Variants in MATCAP2 observed in about 807,000 individuals in gnomAD.
MATCAP2 encodes the protein putative tyrosine carboxypeptidase MATCAP2.
chr7:36,331,515 C>T, the MATCAP2 span, among the ~76,000 whole-genome samples: 19 of 152,230 alleles, frequency 1.2e-4, no homozygotes, highest in African/African-American at 4.1e-4. Context: ...AGTGGAGAGA[C>T]GCAGGGTTTT....
At chr7:36,372,005 A>G in the MATCAP2 span, among the ~76,000 whole-genome samples, 1 of 152,010 alleles carries the variant, frequency 6.6e-6, no homozygotes, top group African/African-American at 2.4e-5. Flanking sequence ...GTCAGCCACC[A>G]TGCCCAGTCT....
chr7:36,345,728 T>C, the MATCAP2 span, among the ~76,000 whole-genome samples: 1 of 152,106 alleles, frequency 6.6e-6, no homozygotes, highest in Admixed American at 6.5e-5. Context: ...GACCTTAACC[T>C]CTTAAGAGCT....
the MATCAP2 span, among the ~76,000 whole-genome samples, chr7:36,376,266 A>G: frequency 6.6e-6 from 1 of 152,134 alleles, no homozygotes; most frequent in Admixed American, 6.5e-5. Flanking sequence ...CTTTAAATGT[A>G]TCCCAGAGAT....
the MATCAP2 span, among the ~76,000 whole-genome samples, chr7:36,344,958 C>T: frequency 6.6e-6 from 1 of 152,178 alleles, no homozygotes; most frequent in Non-Finnish European, 1.5e-5. Context: ...ATTCCTAGAA[C>T]CAGAACATCT....
At chr7:36,350,858 T>A in the MATCAP2 span, among the ~76,000 whole-genome samples, 1 of 152,214 alleles carries the variant, frequency 6.6e-6, no homozygotes, top group Admixed American at 6.5e-5. Context: ...AATTCAGGTT[T>A]CTACCTTCCC....
chr7:36,338,586 C>A, the MATCAP2 span, among the ~76,000 whole-genome samples: 2 of 151,988 alleles, frequency 1.3e-5, no homozygotes, highest in Non-Finnish European at 2.9e-5. Context: ...AGTCACCATG[C>A]CCAGTCTCTA....
chr7:36,381,762 C>T, the MATCAP2 span, among the ~76,000 whole-genome samples: 1 of 151,744 alleles, frequency 6.6e-6, no homozygotes, highest in Non-Finnish European at 1.5e-5. Flanking sequence ...AAGTGCCAGG[C>T]ATGAATGGGA....
chr7:36,357,702 T>A, the MATCAP2 span: 1 of 780,422 alleles, frequency 1.3e-6, no homozygotes, highest in Non-Finnish European at 2.0e-6. Flanking sequence ...AATTTTGCAG[T>A]AATCATTAGA....
chr7:36,330,237 A>G, the MATCAP2 span, among the ~76,000 whole-genome samples: 1 of 151,786 alleles, frequency 6.6e-6, no homozygotes, highest in Non-Finnish European at 1.5e-5. Context: ...GGTGTGTGCC[A>G]CCATGCCCGG....
the MATCAP2 span, among the ~76,000 whole-genome samples, chr7:36,365,553 C>T: frequency 6.6e-6 from 1 of 152,028 alleles, no homozygotes; most frequent in African/African-American, 2.4e-5. Context: ...TACAAAAATC[C>T]GGCGGGCGTG....
chr7:36,340,727 T>C, the MATCAP2 span, among the ~76,000 whole-genome samples: 13 of 152,222 alleles, frequency 8.5e-5, no homozygotes, highest in African/African-American at 2.9e-4. Flanking sequence ...TATAATATCC[T>C]ACAGCATAGA....
chr7:36,361,301 TA>T, the MATCAP2 span, among the ~76,000 whole-genome samples: 1 of 152,160 alleles, frequency 6.6e-6, no homozygotes, highest in African/African-American at 2.4e-5. Context: ...CACTGCTCTC[TA>T]AAAGTAGTGT....
chr7:36,325,427 A>C, the MATCAP2 span: 1 of 152,134 alleles, frequency 6.6e-6, no homozygotes, highest in Admixed American at 6.5e-5. Flanking sequence ...AAATCATGTA[A>C]CCTCTCCTAT....
the MATCAP2 span, chr7:36,357,188 T>C: frequency 5.0e-6 from 8 of 1,614,184 alleles, no homozygotes; most frequent in African/African-American, 5.3e-5. Context: ...TACTATGCCA[T>C]TCCCTGTAAC....
the MATCAP2 span, among the ~76,000 whole-genome samples, chr7:36,374,409 A>G: frequency 1.3e-5 from 2 of 152,172 alleles, no homozygotes; most frequent in Non-Finnish European, 2.9e-5. Flanking sequence ...GTGCAGTGAC[A>G]TGACATGATT....
chr7:36,334,964 G>GA, the MATCAP2 span: 7 of 1,355,846 alleles, frequency 5.2e-6, no homozygotes, highest in African/African-American at 1.5e-5. Context: ...ATACTACTAA[G>GA]AAAAAACCCC....
chr7:36,388,299 T>TAAA, the MATCAP2 span, among the ~76,000 whole-genome samples: 2 of 140,934 alleles, frequency 1.4e-5, no homozygotes, highest in African/African-American at 5.2e-5. Flanking sequence ...CCACAAAGGT[T>TAAA]AAAAAAAAAA....
At chr7:36,389,892 A>C in the MATCAP2 span, 1 of 1,508,262 alleles carries the variant, frequency 6.6e-7, no homozygotes, top group South Asian at 1.1e-5. Context: ...AGAGGAGAGG[A>C]CAGCTGGTTG....
At chr7:36,326,551 G>A in the MATCAP2 span, 1 of 369,826 alleles carries the variant, frequency 2.7e-6, no homozygotes, top group Non-Finnish European at 4.8e-6. Context: ...CAGAAAATAG[G>A]AATAACTTCC....
Sources: gnomAD v4.1 joint callset for allele counts (sites outside exome capture counted in the v4.1 genomes callset) on GRCh38, gnomAD v4.1.1 for gene constraint, MANE v1.5 for transcripts, NCBI Gene and HGNC (gene_info 2026-07-23, HGNC 2026-07-21) for gene names.